The following SYN3 variants were observed in gnomAD, a reference collection of about 807,000 sequenced individuals.
SYN3 encodes the protein synapsin-3.
In SYN3, 35 loss-of-function variants were observed where a neutral mutation model predicts 65.8. That is an observed-to-expected ratio of 0.53 (90% CI 0.41 to 0.70). SYN3 has a LOEUF of 0.70. Ranked by LOEUF, SYN3 falls within the 30% of genes least tolerant of loss-of-function variation. The pLI is 0.00. For missense variants in SYN3, 680 were observed against 749.0 expected, an observed-to-expected ratio of 0.91 and a Z score of 1.08; for synonymous variants, 270 against 292.9, an observed-to-expected ratio of 0.92 and a Z score of 0.80.
In SYN3 at chr22:32,568,845, G is replaced by A. The variant is rs144327405; in HGVS notation, c.775-27132C>T. ...TGCAAAGACTTTGAAAGACACAACCGGAGAGTGTCCTAGGGGATGTATTAC... is the reference window on the plus strand; with the variant it reads ...TGCAAAGACTTTGAAAGACACAACCAGAGAGTGTCCTAGGGGATGTATTAC... On this transcript the variant is annotated intron_variant, in intron 7 of 13. Coordinates refer to ENST00000358763, the MANE Select transcript of SYN3 (RefSeq NM_003490.4). Among the ~76,000 whole-genome samples, 153 of 152,266 alleles carry A rather than the reference G, an allele frequency of 1.0e-3. 2 individuals are homozygous for A. The East Asian group carries it at 0.017, about 17-fold the overall frequency.
chr22:32,937,837 ACAC>A (rs2146734018), intron 3 of SYN3, among the ~76,000 whole-genome samples: 1 of 70,410 alleles, frequency 1.4e-5, no homozygotes, highest in Non-Finnish European at 3.1e-5. Flanking sequence ...ACAAAAATAC[ACAC>A]AAAAAAAAGC....
chr22:32,771,706 A>G (rs530469894), intron 6 of SYN3, among the ~76,000 whole-genome samples: 1 of 152,294 alleles, frequency 6.6e-6, no homozygotes, highest in South Asian at 2.1e-4. Flanking sequence ...AACAATGCCC[A>G]TTATTCATTT....
intron 3 of SYN3, among the ~76,000 whole-genome samples, chr22:32,952,838 T>G (rs1405030079): frequency 6.6e-6 from 1 of 152,246 alleles, no homozygotes. Flanking sequence ...CATAATGTTT[T>G]CTGGAATCAG....
intron 6 of SYN3, among the ~76,000 whole-genome samples, chr22:32,735,369 G>A (rs3788497): frequency 0.33 from 49,631 of 152,028 alleles, 8,218 homozygotes; most frequent in South Asian, 0.44. Flanking sequence ...TACTTGGCAC[G>A]TAGTAAATTC....
chr22:32,600,842 A>G (rs2059271342), intron 6 of SYN3, among the ~76,000 whole-genome samples: 1 of 152,024 alleles, frequency 6.6e-6, no homozygotes, highest in Non-Finnish European at 1.5e-5. Flanking sequence ...CTGTGCCACC[A>G]TGCCTGGCTA....
chr22:32,632,252 G>A (rs1297396041), intron 6 of SYN3, among the ~76,000 whole-genome samples: 1 of 152,238 alleles, frequency 6.6e-6, no homozygotes, highest in African/African-American at 2.4e-5. Context: ...GCAGCTTAAT[G>A]TTAGGAAAAG....
chr22:32,820,354 G>A (rs1166496524), intron 6 of SYN3, among the ~76,000 whole-genome samples: 1 of 26,856 alleles, frequency 3.7e-5, no homozygotes, highest in Non-Finnish European at 8.2e-5. Context: ...ATTCCACTGC[G>A]TGTGTGTGTG....
At position 33,006,527 on chromosome 22, in the gene SYN3, G is replaced by A; in HGVS notation, c.136C>T (p.Gln46Ter). Residue 46 changes from glutamine to a stop codon, truncating the protein, a stop_gained, in exon 2 of 14, where the codon CAG becomes TAG. Coordinates refer to ENST00000358763, the MANE Select transcript of SYN3 (RefSeq NM_003490.4). LOFTEE classifies it high-confidence loss of function. The stretch of plus-strand genomic sequence containing the variant: ...GAGGAGAAGGAGGCAGCCAGGGGCT[G>A]GGGGTGCCTCCTCTCCATGGCGGGG... ...ASPAMERRHPQPLAASFSSPG... is the reference protein window; with the variant it reads ...ASPAMERRHP 3 of 1,614,202 alleles carry A rather than the reference G, an allele frequency of 1.9e-6. No individual in the cohort carries two copies. Among genetic ancestry groups the A allele is most frequent in the African/African-American group, 1.3e-5 (1 of 75,046 alleles).
Position 32,527,908 on chromosome 22 carries a change from T to A in SYN3, c.1318+10A>T. The A allele has an allele frequency of 6.3e-7, 1 of 1,582,350 alleles. No homozygotes were observed. The highest frequency in any genetic ancestry group is 8.6e-7 in the Non-Finnish European group (1 of 1,163,026). The stretch of plus-strand genomic sequence containing the variant: ...CATGCTTTCTTGCAGTGGCTCGTCC[T>A]GGGTCATACCTTGCGGAGGTGGGCG... On this transcript the variant is annotated intron_variant, in intron 12 of 13. Transcript: ENST00000358763.
chr22:32,766,134 G>A (rs1315397136), intron 6 of SYN3, among the ~76,000 whole-genome samples: 3 of 152,144 alleles, frequency 2.0e-5, no homozygotes, highest in South Asian at 2.1e-4. Flanking sequence ...AATTCTGCCC[G>A]ACATGGGGAG....
intron 3 of SYN3, among the ~76,000 whole-genome samples, chr22:32,943,301 TAAAGA>T (rs1569344862): frequency 2.6e-5 from 4 of 152,174 alleles, no homozygotes; most frequent in Admixed American, 2.0e-4. Flanking sequence ...TCAACATTCT[TAAAGA>T]AAAGAATTTT....
intron 7 of SYN3, among the ~76,000 whole-genome samples, chr22:32,583,671 A>G (rs2058981622): frequency 6.6e-6 from 1 of 152,184 alleles, no homozygotes; most frequent in South Asian, 2.1e-4. Context: ...AGGGATAACA[A>G]AAATTACATC....
At chr22:32,690,162 C>T (rs948699995) in intron 6 of SYN3, among the ~76,000 whole-genome samples, 7 of 152,006 alleles carry the variant, frequency 4.6e-5, no homozygotes, top group South Asian at 4.2e-4. Context: ...GCCAACAGAG[C>T]GAGACTGTCT....
chr22:32,508,906 A>G lies in SYN3; in HGVS notation c.*4786T>C, dbSNP rs2057661373. Among the ~76,000 whole-genome samples, 1 of 152,122 alleles carries G rather than the reference A, an allele frequency of 6.6e-6. No homozygotes were observed. Among genetic ancestry groups the G allele is most frequent in the African/African-American group, 2.4e-5 (1 of 41,416 alleles). ...CAGAAGGCAGTTGATGTTCAGTTTTATGGGGTTTGCTGCTGTGTTTGTTAC... is the reference window on the plus strand; with the variant it reads ...CAGAAGGCAGTTGATGTTCAGTTTTGTGGGGTTTGCTGCTGTGTTTGTTAC... On this transcript the variant is annotated 3_prime_UTR_variant, in exon 14 of 14. Transcript: ENST00000358763.
intron 6 of SYN3, among the ~76,000 whole-genome samples, chr22:32,646,867 A>T (rs2059991112): frequency 6.6e-6 from 1 of 152,176 alleles, no homozygotes; most frequent in Admixed American, 6.5e-5. Context: ...TTCCAGATGG[A>T]GCAGCTGAAG....
At chr22:32,859,573 T>A in intron 6 of SYN3, 1 of 694,968 alleles carries the variant, frequency 1.4e-6, no homozygotes, top group Non-Finnish European at 2.3e-6. Context: ...CTGCCCCTTC[T>A]TTTTGGTTTT....
intron 6 of SYN3, among the ~76,000 whole-genome samples, chr22:32,802,870 G>A (rs1274103019): frequency 6.6e-6 from 1 of 152,094 alleles, no homozygotes; most frequent in Non-Finnish European, 1.5e-5. Flanking sequence ...GGGAGAATGG[G>A]TAGTGGAAAA....
rs373073546 is a variant in SYN3, at chr22:32,753,814, C to T, written c.711+111101G>A. On this transcript the variant is annotated intron_variant, in intron 6 of 13. Coordinates refer to ENST00000358763, the MANE Select transcript of SYN3 (RefSeq NM_003490.4). ...GCCAATGAGAGAGCCAGGGGGGTCA[C>T]CCCAGGCCAGGCCCTCCAGGCCTTG... Among the ~76,000 whole-genome samples the T allele has an allele frequency of 4.1e-4, 62 of 152,140 alleles. No homozygotes were observed. The East Asian group carries it at 7.6e-3, about 19-fold the overall frequency.
intron 4 of SYN3, among the ~76,000 whole-genome samples, chr22:32,918,806 A>G (rs912497831): frequency 5.3e-5 from 8 of 152,196 alleles, no homozygotes; most frequent in Non-Finnish European, 7.3e-5. Flanking sequence ...TACCACATCT[A>G]TGAAGTGAGG....
Sources: allele counts gnomAD v4.1 joint callset (sites outside exome capture counted in the v4.1 genomes callset), GRCh38; gene constraint gnomAD v4.1.1; transcripts MANE v1.5; gene names NCBI Gene and HGNC (gene_info 2026-07-23, HGNC 2026-07-21).